The following RBFOX2 variants were observed in gnomAD, a reference collection of about 807,000 sequenced individuals.
The protein encoded by RBFOX2 is RNA binding protein fox-1 homolog 2.
Under a neutral mutation model 49.1 loss-of-function variants are expected in RBFOX2, and 10 were observed. The observed-to-expected ratio is 0.20, with a 90% CI of 0.13 to 0.35. The LOEUF (loss-of-function observed/expected upper bound fraction) is 0.35, where lower values mean the gene tolerates loss of function less well. RBFOX2 is among the 10% of genes least tolerant of loss of function. RBFOX2 has a pLI of 1.00. For synonymous variants in RBFOX2, 183 were observed against 187.4 expected, an observed-to-expected ratio of 0.98 and a Z score of 0.19; for missense variants, 323 against 486.9, an observed-to-expected ratio of 0.66 and a Z score of 3.17.
intron 4 of RBFOX2, among the ~76,000 whole-genome samples, chr22:35,769,318 T>C (rs1941981468): frequency 6.6e-6 from 1 of 152,132 alleles, no homozygotes; most frequent in Non-Finnish European, 1.5e-5. Flanking sequence ...TTAGGATTAA[T>C]TTGTTTGTTC....
chr22:35,882,985 TG>T (rs1309999975), intron 1 of RBFOX2, among the ~76,000 whole-genome samples: 2 of 152,042 alleles, frequency 1.3e-5, no homozygotes, highest in African/African-American at 4.8e-5. Context: ...GGCAGGAAAT[TG>T]GGGGGCACAA....
chr22:35,836,093 G>C (rs559004354), intron 1 of RBFOX2, among the ~76,000 whole-genome samples: 90 of 152,244 alleles, frequency 5.9e-4, no homozygotes, highest in Non-Finnish European at 1.1e-3. Flanking sequence ...TGGATGAAGG[G>C]TGGGATAAGG....
intron 1 of RBFOX2, among the ~76,000 whole-genome samples, chr22:35,925,754 G>C (rs1306840715): frequency 6.6e-6 from 1 of 152,168 alleles, no homozygotes; most frequent in Non-Finnish European, 1.5e-5. Flanking sequence ...CTTGAACAGA[G>C]TACCTTACAC....
intron 1 of RBFOX2, among the ~76,000 whole-genome samples, chr22:35,872,544 GT>G (rs1325582879): frequency 1.3e-5 from 2 of 152,198 alleles, no homozygotes; most frequent in African/African-American, 4.8e-5. Context: ...TTCCACCAAT[GT>G]GGGAGCCAGA....
At chr22:36,026,541 TACACACACAC>T (rs3075271) in intron 1 of RBFOX2, among the ~76,000 whole-genome samples, 11 of 136,564 alleles carry the variant, frequency 8.1e-5, no homozygotes, top group African/African-American at 2.4e-4. Flanking sequence ...AATGAATACA[TACACACACAC>T]ACACACACAC....
At chr22:35,848,607 C>T (rs113952040) in intron 1 of RBFOX2, among the ~76,000 whole-genome samples, 264 of 152,252 alleles carry the variant, frequency 1.7e-3, no homozygotes, top group African/African-American at 6.2e-3. Flanking sequence ...CTAGTTAGTC[C>T]ATTATTTCTT....
intron 1 of RBFOX2, among the ~76,000 whole-genome samples, chr22:35,909,001 C>T (rs1398598819): frequency 1.3e-5 from 2 of 152,076 alleles, no homozygotes; most frequent in Non-Finnish European, 2.9e-5. Context: ...CGCCACCACG[C>T]CTGGCTAATT....
intron 7 of RBFOX2, 32 bp from the exon 9 acceptor site, chr22:35,761,326 A>G: frequency 6.2e-7 from 1 of 1,613,540 alleles, no homozygotes; most frequent in Non-Finnish European, 8.5e-7. Flanking sequence ...TTAAAAATGC[A>G]AGAAGATTAA....
intron 1 of RBFOX2, among the ~76,000 whole-genome samples, chr22:35,864,313 A>C (rs2043427510): frequency 6.6e-6 from 1 of 152,212 alleles, no homozygotes. Flanking sequence ...AGTACCTACC[A>C]GGGTTTTTTC....
chr22:35,782,987 G>T (rs1259268411), intron 2 of RBFOX2, among the ~76,000 whole-genome samples: 1 of 152,164 alleles, frequency 6.6e-6, no homozygotes, highest in African/African-American at 2.4e-5. Flanking sequence ...GACAGCTACT[G>T]TATGTGCCTG....
intron 1 of RBFOX2, among the ~76,000 whole-genome samples, chr22:35,922,680 T>C (rs947235288): frequency 4.6e-5 from 7 of 152,148 alleles, no homozygotes; most frequent in Non-Finnish European, 4.4e-5. Flanking sequence ...TTACATCTTG[T>C]AATGATTGAA....
At chr22:35,792,224 C>T (rs1381872283) in intron 2 of RBFOX2, among the ~76,000 whole-genome samples, 1 of 147,168 alleles carries the variant, frequency 6.8e-6, no homozygotes, top group Non-Finnish European at 1.5e-5. Flanking sequence ...AGCTTTGGCA[C>T]GAGAATTGCT....
At chr22:35,870,888 A>T (rs1361181895) in intron 1 of RBFOX2, among the ~76,000 whole-genome samples, 1 of 152,202 alleles carries the variant, frequency 6.6e-6, no homozygotes, top group African/African-American at 2.4e-5. Flanking sequence ...AAAACAATTC[A>T]CTGGGGCTCT....
intron 2 of RBFOX2, among the ~76,000 whole-genome samples, chr22:35,791,254 G>T (rs1030099964): frequency 4.0e-5 from 6 of 151,638 alleles, no homozygotes; most frequent in Non-Finnish European, 7.4e-5. Flanking sequence ...GCGTGGTGGC[G>T]GGTGCTTGTA....
At chr22:35,826,342 CAAA>C (rs1160241662) in intron 1 of RBFOX2, among the ~76,000 whole-genome samples, 1 of 62,210 alleles carries the variant, frequency 1.6e-5, no homozygotes. Context: ...AACTCCATCT[CAAA>C]AAAAAAAAAA....
intron 1 of RBFOX2, among the ~76,000 whole-genome samples, chr22:35,929,009 C>T (rs140650127): frequency 7.4e-4 from 113 of 152,242 alleles, no homozygotes; most frequent in African/African-American, 2.7e-3. Flanking sequence ...ATACCAGCTA[C>T]TCAGGGAGGC....
chr22:35,898,264 T>C (rs1603443153), intron 1 of RBFOX2: 2 of 751,822 alleles, frequency 2.7e-6, no homozygotes, highest in East Asian at 5.1e-5. Context: ...TTGAGGAACA[T>C]TCACCTTTCC....
chr22:36,012,690 C>A (rs2058867545), intron 1 of RBFOX2, among the ~76,000 whole-genome samples: 1 of 152,100 alleles, frequency 6.6e-6, no homozygotes, highest in South Asian at 2.1e-4. Context: ...AAAAGCAACA[C>A]AAATTATTAA....
At chr22:35,843,189 G>A (rs115027771), upstream of RBFOX2, among the ~76,000 whole-genome samples, 580 of 152,232 alleles carry the variant, frequency 3.8e-3, 5 homozygotes, top group African/African-American at 0.013. Context: ...GAATGTGCCC[G>A]GTAATGTACC....
Sources: allele counts gnomAD v4.1 joint callset (sites outside exome capture counted in the v4.1 genomes callset), GRCh38; gene constraint gnomAD v4.1.1; transcripts MANE v1.5; gene names NCBI Gene and HGNC (gene_info 2026-07-23, HGNC 2026-07-21).